Variants in PTPRD observed in about 807,000 individuals in gnomAD.
PTPRD encodes the protein protein tyrosine phosphatase receptor type D.
A neutral mutation model predicts 214.5 loss-of-function variants in PTPRD; 34 were observed. The observed-to-expected ratio is 0.16, with a 90% CI of 0.12 to 0.21. The LOEUF (loss-of-function observed/expected upper bound fraction) is 0.21, where lower values mean the gene tolerates loss of function less well. Ranked by LOEUF, PTPRD falls within the 10% of genes least tolerant of loss-of-function variation. The pLI, the probability that PTPRD is intolerant of heterozygous loss-of-function variation, is 1.00. For synonymous variants in PTPRD, 1,128 were observed against 845.7 expected (o/e 1.33, Z -5.79); for missense variants, 2,545 against 2,398.7 (o/e 1.06, Z -1.27).
intron 21 of PTPRD, among the ~76,000 whole-genome samples, chr9:8,513,967 A>G (rs2097733168): frequency 2.0e-5 from 3 of 152,114 alleles, no homozygotes; most frequent in Admixed American, 2.0e-4. Context: ...ATCTTCATGC[A>G]AAAAAGTCAG....
chr9:8,414,916 AGAGAGAGGGAGGGG>A (rs1254008047), intron 35 of PTPRD, among the ~76,000 whole-genome samples: 44 of 69,914 alleles, frequency 6.3e-4, no homozygotes, highest in Non-Finnish European at 9.8e-4. Context: ...AGGGAGGGGG[AGAGAGAGGGAGGGG>A]GAGAGAGAGA....
chr9:9,811,943 C>T (rs994102516), intron 5 of PTPRD, among the ~76,000 whole-genome samples: 3 of 152,002 alleles, frequency 2.0e-5, no homozygotes, highest in Non-Finnish European at 2.9e-5. Context: ...AGTCAATCAA[C>T]GTGGCAAACT....
intron 3 of PTPRD, among the ~76,000 whole-genome samples, chr9:10,302,378 C>T (rs1417402607): frequency 6.6e-6 from 1 of 152,108 alleles, no homozygotes; most frequent in Non-Finnish European, 1.5e-5. Flanking sequence ...AAATAACCAG[C>T]TAGAATCATA....
chr9:9,999,536 A>G (rs1327121006), intron 4 of PTPRD, among the ~76,000 whole-genome samples: 1 of 152,192 alleles, frequency 6.6e-6, no homozygotes, highest in Non-Finnish European at 1.5e-5. Flanking sequence ...TAGCTTCCCA[A>G]AGAGAAATGT....
chr9:9,934,443 A>G (rs889101657), intron 5 of PTPRD, among the ~76,000 whole-genome samples: 1 of 135,254 alleles, frequency 7.4e-6, no homozygotes, highest in Non-Finnish European at 1.6e-5. Flanking sequence ...GAATACTACA[A>G]ACGCCTCTAT....
chr9:10,042,603 G>T (rs1464223243), intron 3 of PTPRD, among the ~76,000 whole-genome samples: 1 of 151,936 alleles, frequency 6.6e-6, no homozygotes, highest in Non-Finnish European at 1.5e-5. Flanking sequence ...ACACATTAGT[G>T]TTGGTGAAGA....
chr9:10,167,059 A>G (rs886498677), intron 3 of PTPRD, among the ~76,000 whole-genome samples: 4 of 152,144 alleles, frequency 2.6e-5, no homozygotes, highest in Non-Finnish European at 5.9e-5. Flanking sequence ...ACATTCCTAT[A>G]AACCTAAAAT....
chr9:9,623,664 C>T (rs922043318), intron 7 of PTPRD, among the ~76,000 whole-genome samples: 1 of 152,170 alleles, frequency 6.6e-6, no homozygotes, highest in Non-Finnish European at 1.5e-5. Flanking sequence ...GTACAATGGC[C>T]AGCCTGCTGC....
intron 5 of PTPRD, among the ~76,000 whole-genome samples, chr9:9,898,660 C>CT (rs1341343708): frequency 6.6e-6 from 1 of 151,992 alleles, no homozygotes; most frequent in Non-Finnish European, 1.5e-5. Context: ...GTCACATATG[C>CT]TTTATATGAA....
chr9:8,359,359 C>G (rs1415196604), intron 39 of PTPRD, among the ~76,000 whole-genome samples: 1 of 151,898 alleles, frequency 6.6e-6, no homozygotes, highest in Non-Finnish European at 1.5e-5. Context: ...GAGCCTCGCT[C>G]TGTTGCCCAG....
At chr9:8,796,061 A>G (rs1473002818) in intron 11 of PTPRD, among the ~76,000 whole-genome samples, 1 of 152,222 alleles carries the variant, frequency 6.6e-6, no homozygotes, top group Non-Finnish European at 1.5e-5. Flanking sequence ...TTCTAACAAA[A>G]ACGTATGAAG....
chr9:8,779,535 T>G (rs116966952), intron 11 of PTPRD, among the ~76,000 whole-genome samples: 1 of 152,228 alleles, frequency 6.6e-6, no homozygotes, highest in Non-Finnish European at 1.5e-5. Flanking sequence ...CCAAAGACTG[T>G]CATACATATT....
intron 3 of PTPRD, among the ~76,000 whole-genome samples, chr9:10,214,401 A>G (rs1003775287): frequency 6.7e-6 from 1 of 149,994 alleles, no homozygotes; most frequent in Non-Finnish European, 1.5e-5. Context: ...CTCTGCCTCC[A>G]GAGTAGCTGG....
intron 9 of PTPRD, among the ~76,000 whole-genome samples, chr9:9,289,466 CCA>C (rs939992096): frequency 6.6e-6 from 1 of 151,718 alleles, no homozygotes; most frequent in Non-Finnish European, 1.5e-5. Flanking sequence ...CTATCACTAC[CCA>C]CAGTTACTAT....
chr9:8,736,935 C>A (rs759148523), intron 11 of PTPRD, among the ~76,000 whole-genome samples: 1 of 152,218 alleles, frequency 6.6e-6, no homozygotes, highest in Non-Finnish European at 1.5e-5. Context: ...CCCGCTTTCA[C>A]TGCTCCCATC....
intron 14 of PTPRD, among the ~76,000 whole-genome samples, chr9:8,617,763 G>A (rs1334192920): frequency 1.3e-5 from 2 of 151,978 alleles, no homozygotes; most frequent in Non-Finnish European, 2.9e-5. Flanking sequence ...TTCTATAAGT[G>A]TATTTATATA....
chr9:10,433,631 G>T (rs549407993), intron 2 of PTPRD, among the ~76,000 whole-genome samples: 17 of 151,996 alleles, frequency 1.1e-4, no homozygotes, highest in African/African-American at 3.9e-4. Flanking sequence ...TGGAGGGTGT[G>T]TTTGGAAATA....
chr9:9,553,627 G>C (rs994015687), intron 8 of PTPRD, among the ~76,000 whole-genome samples: 7 of 151,938 alleles, frequency 4.6e-5, no homozygotes, highest in Admixed American at 4.6e-4. Flanking sequence ...AATAAGGTTA[G>C]TAAAGAAAGC....
chr9:8,451,812 C>A (rs2095964111), intron 33 of PTPRD: 1 of 444,862 alleles, frequency 2.2e-6, no homozygotes, highest in African/African-American at 2.0e-5. Flanking sequence ...TTTCTCCCTT[C>A]CCATTGTGGC....
Sources: allele counts gnomAD v4.1 joint callset (sites outside exome capture counted in the v4.1 genomes callset), GRCh38; gene constraint gnomAD v4.1.1; transcripts MANE v1.5; gene names NCBI Gene and HGNC (gene_info 2026-07-23, HGNC 2026-07-21).